Variants in CFTR observed in about 807,000 individuals in gnomAD.
The protein encoded by CFTR is cystic fibrosis transmembrane conductance regulator.
CFTR carries 181 observed loss-of-function variants against 171.6 expected under a neutral mutation model. That is an observed-to-expected ratio of 1.05 (90% CI 0.93 to 1.19). CFTR has a LOEUF of 1.19. CFTR is among the 50% of genes most tolerant of loss of function. The probability of loss-of-function intolerance (pLI) is 0.00; values close to 1 mark genes in which losing one functional copy is unlikely to be tolerated. For missense variants in CFTR, 1,968 were observed against 1,734.7 expected (o/e 1.13, Z -2.39); for synonymous variants, 583 against 608.0 (o/e 0.96, Z 0.60).
In CFTR at chr7:117,667,484, G is replaced by C; in HGVS notation, c.*376G>C. On this transcript the variant is annotated 3_prime_UTR_variant, in exon 27 of 27. Coordinates refer to ENST00000003084, the MANE Select transcript of CFTR (RefSeq NM_000492.4). The stretch of plus-strand genomic sequence containing the variant: ...CTAGTGAAACTCGTTAATTTGTAGT[G>C]TTGGAGAAGAACTGAAATCATACTT... 3 of 337,778 alleles carry C rather than the reference G, an allele frequency of 8.9e-6. No homozygotes were observed. The highest frequency in any genetic ancestry group is 7.4e-5 in the South Asian group (3 of 40,494). The allele number at this position is 337,778 out of a possible 1,614,324, so 20.9% of individuals were successfully genotyped here.
At chr7:117,580,188 C>G (rs531860983) in intron 11 of CFTR, among the ~76,000 whole-genome samples, 1 of 151,978 alleles carries the variant, frequency 6.6e-6, no homozygotes, top group African/African-American at 2.4e-5. Flanking sequence ...TTAACATATG[C>G]AGCAAAAAAG....
chr7:117,619,976 G>A (rs1308524945), intron 21 of CFTR, among the ~76,000 whole-genome samples: 1 of 152,138 alleles, frequency 6.6e-6, no homozygotes, highest in Non-Finnish European at 1.5e-5. Flanking sequence ...GTGGAGAAAA[G>A]GGGAACCTGG....
chr7:117,609,431 A>G (rs1392508011), intron 18 of CFTR, among the ~76,000 whole-genome samples: 4 of 152,182 alleles, frequency 2.6e-5, no homozygotes, highest in African/African-American at 9.6e-5. Flanking sequence ...GCATATGGAT[A>G]TTATAAAGTG....
In CFTR at chr7:117,592,662, G is replaced by T. The variant is rs764466147; in HGVS notation, c.2490+5G>T. On this transcript the variant is annotated splice_donor_5th_base_variant and intron_variant, in intron 14 of 26. Transcript: ENST00000003084. ...ATTAACGAAGAAGACTTAAAGGTAG[G>T]TATACATCGCTTGGGGGTATTTCAC... The T allele has an allele frequency of 1.2e-5, 18 of 1,526,170 alleles. No individual in the cohort carries two copies. Among genetic ancestry groups the T allele is most frequent in the Non-Finnish European group, 1.5e-5 (17 of 1,144,274 alleles). 94.5% of individuals were successfully genotyped at this position (1,526,170 alleles called of 1,614,324 possible). A position where few individuals can be genotyped will look rare whatever the true frequency, so the allele number is the denominator to read the frequency against.
chr7:117,481,546 A>G (rs889951648), intron 1 of CFTR, among the ~76,000 whole-genome samples: 4 of 152,210 alleles, frequency 2.6e-5, no homozygotes. Context: ...ATCACCTGAC[A>G]CATTTAATAT....
At chr7:117,542,849 T>C (rs1257491570) in intron 9 of CFTR, among the ~76,000 whole-genome samples, 2 of 152,194 alleles carry the variant, frequency 1.3e-5, no homozygotes, top group Non-Finnish European at 2.9e-5. Flanking sequence ...AGGTAAAACA[T>C]TCATCAGAGT....
At chr7:117,504,024 C>T (rs1055997858) in intron 1 of CFTR, among the ~76,000 whole-genome samples, 4 of 152,046 alleles carry the variant, frequency 2.6e-5, no homozygotes, top group Non-Finnish European at 5.9e-5. Context: ...TTATTCCCTC[C>T]CAATCCCTTT....
intron 11 of CFTR, among the ~76,000 whole-genome samples, chr7:117,582,357 A>T (rs1791861088): frequency 6.6e-6 from 1 of 152,188 alleles, no homozygotes. Flanking sequence ...AGCACAGTTT[A>T]CATGACATCT....
intron 11 of CFTR, among the ~76,000 whole-genome samples, chr7:117,563,635 A>G (rs1791551598): frequency 6.6e-6 from 1 of 152,200 alleles, no homozygotes; most frequent in Non-Finnish European, 1.5e-5. Flanking sequence ...TGGATTACTT[A>G]GAATTGAGAC....
At chr7:117,609,856 AAAGAACACC>A (rs1792355821) in intron 18 of CFTR, among the ~76,000 whole-genome samples, 1 of 152,192 alleles carries the variant, frequency 6.6e-6, no homozygotes, top group Admixed American at 6.5e-5. Context: ...TCCAAAGATC[AAAGAACACC>A]ATGTTTTCAA....
intron 10 of CFTR, among the ~76,000 whole-genome samples, chr7:117,551,450 T>C (rs571705750): frequency 6.6e-6 from 1 of 152,342 alleles, no homozygotes; most frequent in East Asian, 1.9e-4. Context: ...ATTTTATATT[T>C]CTAGATTTTC....
At chr7:117,496,957 A>T (rs1798250213) in intron 1 of CFTR, among the ~76,000 whole-genome samples, 4 of 142,548 alleles carry the variant, frequency 2.8e-5, no homozygotes, top group East Asian at 4.1e-4. Flanking sequence ...TTTTCTTTTC[A>T]TTTTCTTGAT....
intron 9 of CFTR, 83 bp downstream of exon 9, chr7:117,542,191 T>A (rs1799066689): frequency 1.3e-6 from 1 of 748,884 alleles, no homozygotes; most frequent in African/African-American, 1.7e-5. Flanking sequence ...TAATGGCGAA[T>A]AAAATTAGAA....
intron 1 of CFTR, among the ~76,000 whole-genome samples, chr7:117,501,799 G>GTAAA (rs1798337144): frequency 1.3e-5 from 1 of 75,622 alleles, no homozygotes; most frequent in African/African-American, 4.0e-5. Context: ...AAAACAAAAA[G>GTAAA]CAAACAAACA....
chr7:117,514,550 G>T (rs375907813), intron 3 of CFTR, among the ~76,000 whole-genome samples: 31 of 152,224 alleles, frequency 2.0e-4, no homozygotes, highest in African/African-American at 7.5e-4. Context: ...TCTTTATCCA[G>T]TCTGTCATTG....
At chr7:117,524,525 T>G in intron 3 of CFTR, among the ~76,000 whole-genome samples, 1 of 152,238 alleles carries the variant, frequency 6.6e-6, no homozygotes, top group East Asian at 1.9e-4. Flanking sequence ...ATTGCCATTG[T>G]AAGCATACTA....
intron 3 of CFTR, among the ~76,000 whole-genome samples, chr7:117,517,369 C>T (rs1054539861): frequency 6.6e-6 from 1 of 152,130 alleles, no homozygotes; most frequent in African/African-American, 2.4e-5. Flanking sequence ...CATCCATGTT[C>T]CTGCAAGGAC....
At chr7:117,563,432 A>G (rs563936089) in intron 11 of CFTR, among the ~76,000 whole-genome samples, 63 of 152,132 alleles carry the variant, frequency 4.1e-4, no homozygotes, top group Admixed American at 3.3e-3. Flanking sequence ...AAGAAATGTC[A>G]TTTTTATGTA....
intron 26 of CFTR, 143 bp downstream of exon 26, chr7:117,665,707 A>G (rs1040132366): frequency 1.5e-6 from 1 of 683,648 alleles, no homozygotes; most frequent in Non-Finnish European, 2.7e-6. Context: ...GCTTTACTCA[A>G]AATAGCTGCA....
Sources: gnomAD v4.1 joint callset for allele counts (sites outside exome capture counted in the v4.1 genomes callset) on GRCh38, gnomAD v4.1.1 for gene constraint, MANE v1.5 for transcripts, NCBI Gene and HGNC (gene_info 2026-07-23, HGNC 2026-07-21) for gene names.